STK32B: variants seen among roughly 807,000 people sequenced by gnomAD.
STK32B encodes serine/threonine-protein kinase 32B.
STK32B carries 43 observed loss-of-function variants against 52.6 expected under a neutral mutation model. The observed-to-expected ratio is 0.82, with a 90% CI of 0.64 to 1.05. The LOEUF (loss-of-function observed/expected upper bound fraction) is 1.05. STK32B is among the 50% of genes least tolerant of loss of function. The pLI is 0.00. For synonymous variants in STK32B, 238 were observed against 204.3 expected, an observed-to-expected ratio of 1.17 and a Z score of -1.41; for missense variants, 621 against 534.6, an observed-to-expected ratio of 1.16 and a Z score of -1.59.
At chr4:5,384,090 G>T (rs899520633) in intron 4 of STK32B, among the ~76,000 whole-genome samples, 1 of 152,218 alleles carries the variant, frequency 6.6e-6, no homozygotes, top group Non-Finnish European at 1.5e-5. Context: ...CCATAGCGGG[G>T]GACAATGCTT....
At chr4:5,305,334 TG>T (rs1729855123) in intron 3 of STK32B, among the ~76,000 whole-genome samples, 2 of 152,086 alleles carry the variant, frequency 1.3e-5, no homozygotes, top group African/African-American at 4.8e-5. Flanking sequence ...TTTCTTTCCT[TG>T]GTAACTTTTT....
At chr4:5,493,426 T>TC (rs758562321) in intron 11 of STK32B, among the ~76,000 whole-genome samples, 29 of 152,058 alleles carry the variant, frequency 1.9e-4, no homozygotes, top group African/African-American at 7.0e-4. Context: ...GGTGGTGATA[T>TC]CCTTTTATCA....
rs1020617488 is a variant in STK32B, at chr4:5,480,215, G to A, written c.1106+12145G>A. Among the ~76,000 whole-genome samples, 27 of 152,210 alleles carry A rather than the reference G, an allele frequency of 1.8e-4. No individual in the cohort carries two copies. In the South Asian group the frequency reaches 5.4e-3, roughly 30 times the overall value. ...TTCATTTTTTAAATCAACACACACT[G>A]TTCACAAAAAGAGTCAAACTCTGTA... On this transcript the variant is annotated intron_variant, in intron 11 of 11. Coordinates refer to ENST00000282908, the MANE Select transcript of STK32B (RefSeq NM_018401.3).
chr4:5,181,641 T>A lies in STK32B; in HGVS notation c.260+13191T>A, dbSNP rs114463165. Among the ~76,000 whole-genome samples, 1,011 of 152,348 alleles carry A rather than the reference T, an allele frequency of 6.6e-3. 9 individuals are homozygous for A. Among genetic ancestry groups the A allele is most frequent in the African/African-American group, 0.022 (924 of 41,576 alleles). On this transcript the variant is annotated intron_variant, in intron 3 of 11. Transcript: ENST00000282908. The stretch of plus-strand genomic sequence containing the variant: ...ACAATTTTTTGGTTTGCAGTGTATA[T>A]AAAAGTTGTTTACGCCATACTGTAG...
intron 1 of STK32B, among the ~76,000 whole-genome samples, chr4:5,132,797 C>CTT (rs528617198): frequency 5.5e-5 from 8 of 145,272 alleles, no homozygotes; most frequent in Middle Eastern, 3.5e-3. Context: ...GAATTTACCA[C>CTT]TTTTTTTTTT....
At chr4:5,257,365 A>G (rs1726392000) in intron 3 of STK32B, among the ~76,000 whole-genome samples, 1 of 151,680 alleles carries the variant, frequency 6.6e-6, no homozygotes, top group African/African-American at 2.4e-5. Context: ...GTGAATGAGT[A>G]AGTGAATGAG....
chr4:5,084,317 C>A (rs1381011268), intron 1 of STK32B, among the ~76,000 whole-genome samples: 1 of 152,096 alleles, frequency 6.6e-6, no homozygotes, highest in East Asian at 1.9e-4. Flanking sequence ...TTTTGCTGAG[C>A]GCCTTCTGCC....
intron 4 of STK32B, among the ~76,000 whole-genome samples, chr4:5,356,927 G>A (rs147043862): frequency 0.027 from 4,088 of 152,170 alleles, 193 homozygotes; most frequent in African/African-American, 0.092. Context: ...GAACCCAGGA[G>A]GTAGAGGCTG....
At chr4:5,457,649 CAT>C (rs1322546285) in intron 8 of STK32B, among the ~76,000 whole-genome samples, 2 of 151,364 alleles carry the variant, frequency 1.3e-5, no homozygotes, top group African/African-American at 4.9e-5. Flanking sequence ...GGGTGGATCA[CAT>C]GAGGTCAGGA....
Position 5,398,183 on chromosome 4 carries a change from C to G in STK32B, c.435-24C>G. On this transcript the variant is annotated intron_variant, in intron 4 of 11. Coordinates refer to ENST00000282908, the MANE Select transcript of STK32B (RefSeq NM_018401.3). This position sits in a 1 kb window ranked among gnomAD's most constrained non-coding sequence, Gnocchi z 4.9. ...TCTGTGGGCTCAGGAACCACATTGC[C>G]AGCTTCTTTGTTTTCTTTTACAGAG... 1 of 1,613,620 alleles carries G rather than the reference C, an allele frequency of 6.2e-7. No individual in the cohort carries two copies. Among genetic ancestry groups the G allele is most frequent in the Non-Finnish European group, 8.5e-7 (1 of 1,179,868 alleles).
intron 1 of STK32B, among the ~76,000 whole-genome samples, chr4:5,087,731 C>T (rs76593579): frequency 0.027 from 4,100 of 151,230 alleles, 166 homozygotes; most frequent in African/African-American, 0.094. Context: ...AAAAGGTCAA[C>T]CCACCAAGAG....
At position 5,499,244 on chromosome 4, in the gene STK32B, C is replaced by T. The variant is rs567442141; in HGVS notation, c.*161C>T. On this transcript the variant is annotated 3_prime_UTR_variant, in exon 12 of 12. Coordinates refer to ENST00000282908, the MANE Select transcript of STK32B (RefSeq NM_018401.3). ...GGAAGCCTGGGTTCTGGTCCCATCT[C>T]CATGACTGATTCACGTGTGACCTCA... 43 of 993,102 alleles carry T rather than the reference C, an allele frequency of 4.3e-5. No individual in the cohort carries two copies. Among genetic ancestry groups the T allele is most frequent in the Non-Finnish European group, 5.7e-5 (41 of 721,544 alleles). 61.5% of individuals were successfully genotyped at this position (993,102 alleles called of 1,614,324 possible).
At chr4:5,251,139 A>G (rs186912032) in intron 3 of STK32B, among the ~76,000 whole-genome samples, 42 of 152,304 alleles carry the variant, frequency 2.8e-4, no homozygotes, top group Admixed American at 1.4e-3. Context: ...TCTAGGCCCA[A>G]TGTCTAGAAT....
At chr4:5,495,499 A>G (rs984286071) in intron 11 of STK32B, among the ~76,000 whole-genome samples, 5 of 152,096 alleles carry the variant, frequency 3.3e-5, no homozygotes, top group East Asian at 3.9e-4. Flanking sequence ...CAAAGTTTTC[A>G]ACTTCTTTGC....
At chr4:5,118,448 A>C (rs1714854392) in intron 1 of STK32B, among the ~76,000 whole-genome samples, 1 of 151,902 alleles carries the variant, frequency 6.6e-6, no homozygotes, top group Non-Finnish European at 1.5e-5. Flanking sequence ...TACCGAACTC[A>C]CTCCCGCCCC....
chr4:5,443,632 C>T lies in STK32B; in HGVS notation c.563-3041C>T, dbSNP rs1165869248. Among the ~76,000 whole-genome samples, 53 of 152,254 alleles carry T rather than the reference C, an allele frequency of 3.5e-4. 2 individuals carry two copies. Among genetic ancestry groups the T allele is most frequent in the South Asian group, 2.1e-4 (1 of 4,816 alleles). Reference sequence around the variant, plus strand: ...AGTCATTCTCCATCCAGCTTTGTTCCGTTGCTGGTGAGGAACTGCATTCCT... The same window carrying T: ...AGTCATTCTCCATCCAGCTTTGTTCTGTTGCTGGTGAGGAACTGCATTCCT... On this transcript the variant is annotated intron_variant, in intron 6 of 11. Transcript: ENST00000282908.
intron 4 of STK32B, among the ~76,000 whole-genome samples, chr4:5,346,412 G>C (rs757221419): frequency 6.6e-6 from 1 of 152,170 alleles, no homozygotes. Context: ...GTCCAAGTCT[G>C]GGTTCCTTCT....
chr4:5,434,454 GTATATA>G (rs5855854), intron 6 of STK32B, among the ~76,000 whole-genome samples: 37 of 131,252 alleles, frequency 2.8e-4, no homozygotes, highest in East Asian at 2.7e-3. Context: ...GTGTGTGTGT[GTATATA>G]TATATATATA....
chr4:5,194,222 CT>C (rs1306300224), intron 3 of STK32B, among the ~76,000 whole-genome samples: 1 of 152,134 alleles, frequency 6.6e-6, no homozygotes, highest in Non-Finnish European at 1.5e-5. Flanking sequence ...ACCAATGGTC[CT>C]GTGTATATTG....
Sources: gnomAD v4.1 joint callset for allele counts (sites outside exome capture counted in the v4.1 genomes callset) on GRCh38, gnomAD v4.1.1 for gene constraint, Gnocchi (gnomAD v3.1) non-coding constraint, MANE v1.5 for transcripts, NCBI Gene and HGNC (gene_info 2026-07-23, HGNC 2026-07-21) for gene names.